FNIP2: variants seen among roughly 807,000 people sequenced by gnomAD.
FNIP2 encodes the protein folliculin-interacting protein 2.
In FNIP2, 32 loss-of-function variants were observed where a neutral mutation model predicts 108.7. The observed-to-expected ratio is 0.29, with a 90% CI of 0.22 to 0.40. FNIP2 has a LOEUF of 0.40. Ranked by LOEUF, FNIP2 falls within the 10% of genes least tolerant of loss-of-function variation. FNIP2 has a pLI of 1.00. For synonymous variants in FNIP2, 480 were observed against 496.7 expected (o/e 0.97, Z 0.45); for missense variants, 1,202 against 1,381.6 (o/e 0.87, Z 2.06).
At chr4:158,873,761 ACT>A (rs1560822049) in intron 14 of FNIP2, among the ~76,000 whole-genome samples, 1 of 152,140 alleles carries the variant, frequency 6.6e-6, no homozygotes, top group African/African-American at 2.4e-5. Flanking sequence ...TGTCATTTGA[ACT>A]CTCTCTGCCT....
intron 9 of FNIP2, 30 bp from the exon 10 acceptor site, chr4:158,859,548 G>T: frequency 6.3e-7 from 1 of 1,576,020 alleles, no homozygotes. Flanking sequence ...TTTCTTCTCA[G>T]TAATTTGACT....
intron 14 of FNIP2, among the ~76,000 whole-genome samples, chr4:158,877,506 T>A (rs868180517): frequency 6.6e-6 from 1 of 152,346 alleles, no homozygotes; most frequent in Middle Eastern, 3.4e-3. Context: ...AAGAGAAAAA[T>A]TTCTGATAAG....
chr4:158,903,143 G>T (rs1024397863), intron 16 of FNIP2, among the ~76,000 whole-genome samples: 4 of 152,234 alleles, frequency 2.6e-5, no homozygotes, highest in African/African-American at 9.6e-5. Flanking sequence ...CTCCTGGTCT[G>T]TGGGTCATGA....
intron 1 of FNIP2, among the ~76,000 whole-genome samples, chr4:158,776,554 T>C (rs1034404209): frequency 5.9e-5 from 9 of 152,374 alleles, no homozygotes; most frequent in Admixed American, 2.0e-4. Flanking sequence ...GCTATCCTCA[T>C]TTACTCAAGT....
chr4:158,785,005 C>T (rs535140136), intron 1 of FNIP2, among the ~76,000 whole-genome samples: 15 of 151,670 alleles, frequency 9.9e-5, no homozygotes, highest in East Asian at 1.9e-4. Flanking sequence ...TGTTTAAATA[C>T]GTTTATTTGA....
At chr4:158,793,559 C>T (rs977854601) in intron 1 of FNIP2, among the ~76,000 whole-genome samples, 4 of 152,186 alleles carry the variant, frequency 2.6e-5, no homozygotes, top group Admixed American at 6.5e-5. Flanking sequence ...GGATGTTTTA[C>T]TTCCAGAGTT....
chr4:158,860,501 T>C (rs1376413550), intron 10 of FNIP2, among the ~76,000 whole-genome samples: 1 of 152,150 alleles, frequency 6.6e-6, no homozygotes, highest in African/African-American at 2.4e-5. Context: ...TTAAGTCATA[T>C]ATTTGAGAAT....
chr4:158,886,445 G>T (rs1782028863), intron 14 of FNIP2, among the ~76,000 whole-genome samples: 1 of 152,174 alleles, frequency 6.6e-6, no homozygotes, highest in South Asian at 2.1e-4. Context: ...CATGTAACCT[G>T]CTGTTAGTGG....
chr4:158,806,751 A>G (rs1209300690), intron 1 of FNIP2, among the ~76,000 whole-genome samples: 1 of 152,176 alleles, frequency 6.6e-6, no homozygotes, highest in Non-Finnish European at 1.5e-5. Context: ...ATTATCAGGA[A>G]AAAAAGGTGC....
chr4:158,862,403 C>G (rs374512714), intron 12 of FNIP2, among the ~76,000 whole-genome samples: 2 of 152,086 alleles, frequency 1.3e-5, no homozygotes, highest in African/African-American at 4.8e-5. Context: ...TGCTCTTGGT[C>G]GTGAGATGTA....
intron 1 of FNIP2, among the ~76,000 whole-genome samples, chr4:158,799,828 G>A (rs1481442894): frequency 7.2e-5 from 11 of 152,208 alleles, no homozygotes; most frequent in South Asian, 4.1e-4. Context: ...GGGATGGGTT[G>A]TAAAAATCAT....
At chr4:158,801,266 T>C (rs1316172210) in intron 1 of FNIP2, among the ~76,000 whole-genome samples, 3 of 152,046 alleles carry the variant, frequency 2.0e-5, no homozygotes, top group Non-Finnish European at 4.4e-5. Flanking sequence ...TAGGGCAGGG[T>C]TCATGGCAAG....
chr4:158,850,318 A>G (rs1261345203), intron 7 of FNIP2, among the ~76,000 whole-genome samples: 2 of 152,086 alleles, frequency 1.3e-5, no homozygotes, highest in African/African-American at 2.4e-5. Context: ...TTCAATGTCT[A>G]ATTCCTTAGC....
chr4:158,903,825 C>A (rs1309968210), intron 16 of FNIP2, among the ~76,000 whole-genome samples: 1 of 151,730 alleles, frequency 6.6e-6, no homozygotes, highest in Non-Finnish European at 1.5e-5. Flanking sequence ...TTTCATGACA[C>A]CTGGCATCAT....
chr4:158,778,758 G>A (rs1578813429), intron 1 of FNIP2, among the ~76,000 whole-genome samples: 2 of 152,232 alleles, frequency 1.3e-5, no homozygotes, highest in East Asian at 3.8e-4. Context: ...TGGAAGTCTT[G>A]AAAGGTATCG....
At chr4:158,872,203 A>T (rs1257818134) in intron 14 of FNIP2, 4 of 985,258 alleles carry the variant, frequency 4.1e-6, no homozygotes, top group Non-Finnish European at 4.8e-6. Flanking sequence ...TTACTCACTG[A>T]CCACTCTGGA....
intron 14 of FNIP2, among the ~76,000 whole-genome samples, chr4:158,880,255 A>G (rs1020795464): frequency 4.6e-5 from 7 of 152,222 alleles, no homozygotes; most frequent in South Asian, 2.1e-4. Flanking sequence ...ACGGAATACA[A>G]TGCAGCCATA....
chr4:158,849,410 T>C (rs1376006068), intron 7 of FNIP2, among the ~76,000 whole-genome samples: 1 of 152,116 alleles, frequency 6.6e-6, no homozygotes, highest in Non-Finnish European at 1.5e-5. Flanking sequence ...TTTTGGGGTA[T>C]CATTTTCTGA....
intron 15 of FNIP2, chr4:158,893,633 T>G (rs1303521260): frequency 7.3e-7 from 1 of 1,369,892 alleles, no homozygotes; most frequent in Non-Finnish European, 1.0e-6. Context: ...TATTATGATC[T>G]TATTTTTTGT....
Sources: allele counts gnomAD v4.1 joint callset (sites outside exome capture counted in the v4.1 genomes callset), GRCh38; gene constraint gnomAD v4.1.1; transcripts MANE v1.5; gene names NCBI Gene and HGNC (gene_info 2026-07-23, HGNC 2026-07-21).